Variants in HERC2 observed in about 807,000 individuals in gnomAD.
HERC2 encodes HECT and RLD domain containing E3 ubiquitin protein ligase 2.
In HERC2, 102 loss-of-function variants were observed where a neutral mutation model predicts 537.7. That is an observed-to-expected ratio of 0.19 (90% CI 0.16 to 0.22). The LOEUF (loss-of-function observed/expected upper bound fraction) is 0.22, where lower values mean the gene tolerates loss of function less well. Ranked by LOEUF, HERC2 falls within the 10% of genes least tolerant of loss-of-function variation. HERC2 has a pLI of 1.00. For synonymous variants in HERC2, 2,224 were observed against 2,466.2 expected, an observed-to-expected ratio of 0.90 and a Z score of 2.91; for missense variants, 4,236 against 6,198.2, an observed-to-expected ratio of 0.68 and a Z score of 10.63.
chr15:28,252,730 G>A (rs2075123778), intron 20 of HERC2, among the ~76,000 whole-genome samples: 1 of 152,176 alleles, frequency 6.6e-6, no homozygotes, highest in South Asian at 2.1e-4. Context: ...CAGAATGTAT[G>A]AAATATGCAT....
chr15:28,290,169 G>A (rs545620609), intron 4 of HERC2, among the ~76,000 whole-genome samples: 1 of 152,302 alleles, frequency 6.6e-6, no homozygotes, highest in South Asian at 2.1e-4. Flanking sequence ...AATGCAGTAA[G>A]CCAACCTTGT....
intron 68 of HERC2, among the ~76,000 whole-genome samples, chr15:28,163,973 C>T (rs907946321): frequency 5.9e-5 from 9 of 152,156 alleles, no homozygotes; most frequent in Non-Finnish European, 1.0e-4. Flanking sequence ...CCAGGATGGC[C>T]GCCCCCACCC....
intron 69 of HERC2, among the ~76,000 whole-genome samples, chr15:28,159,270 T>G: frequency 6.6e-6 from 1 of 152,200 alleles, no homozygotes; most frequent in Non-Finnish European, 1.5e-5. Flanking sequence ...CTTCCTGAAT[T>G]TTAATGTTGG....
At position 28,168,459 on chromosome 15, in the gene HERC2, G is replaced by A; in HGVS notation, c.10361C>T (p.Ala3454Val). Residue 3454 changes from alanine (A) to valine (V), a missense_variant, in exon 67 of 93, where the codon GCT (alanine) becomes GTT (valine). Around this residue, in one of 27 missense-constraint regions of HERC2, gnomAD observed 356 missense variants for 450.9 expected, o/e 0.79. Transcript: ENST00000261609. ...SPMNGEECML[A>V]VDIEDRLSPN... ...ACTCAGTCTGTCTTCGATATCAACAGCCAGCATGCATTCTTCTCCATTCAT... is the reference window on the plus strand; with the variant it reads ...ACTCAGTCTGTCTTCGATATCAACAACCAGCATGCATTCTTCTCCATTCAT... 1 of 1,614,150 alleles carries A rather than the reference G, an allele frequency of 6.2e-7. No individual in the cohort carries two copies. Among genetic ancestry groups the A allele is most frequent in the Non-Finnish European group, 8.5e-7 (1 of 1,180,008 alleles).
chr15:28,195,878 T>C (rs529847113), intron 52 of HERC2, among the ~76,000 whole-genome samples: 1 of 152,172 alleles, frequency 6.6e-6, no homozygotes, highest in Non-Finnish European at 1.5e-5. Context: ...CAATAAAAGG[T>C]ATATAAATTA....
chr15:28,227,478 A>C (rs1901324917), intron 35 of HERC2, among the ~76,000 whole-genome samples: 1 of 151,814 alleles, frequency 6.6e-6, no homozygotes, highest in African/African-American at 2.4e-5. Context: ...GAAAAAAAAA[A>C]AAAACACAAA....
At chr15:28,186,278 A>G (rs1165379685) in intron 56 of HERC2, among the ~76,000 whole-genome samples, 3 of 152,226 alleles carry the variant, frequency 2.0e-5, no homozygotes, top group Non-Finnish European at 4.4e-5. Context: ...TTAGTAACAG[A>G]AAAAAAGGAA....
At chr15:28,257,300 T>A (rs756343890) in intron 16 of HERC2, 39 bp from the exon 17 acceptor site, 2 of 1,571,650 alleles carry the variant, frequency 1.3e-6, no homozygotes, top group African/African-American at 2.7e-5. Context: ...AATCTCCAAA[T>A]GCAGCTGCTG....
At chr15:28,153,334 C>A (rs1018872558) in intron 69 of HERC2, among the ~76,000 whole-genome samples, 1 of 151,914 alleles carries the variant, frequency 6.6e-6, no homozygotes, top group African/African-American at 2.4e-5. Context: ...GCCTGGGTGA[C>A]CCGAGCGAGA....
chr15:28,193,889 A>G (rs1897084558), intron 52 of HERC2, among the ~76,000 whole-genome samples: 1 of 152,206 alleles, frequency 6.6e-6, no homozygotes. Context: ...TGTAACCCAC[A>G]AAGACACATT....
intron 81 of HERC2, among the ~76,000 whole-genome samples, chr15:28,131,882 A>G (rs973639648): frequency 6.6e-6 from 1 of 152,228 alleles, no homozygotes. Context: ...CACACAGCAC[A>G]TAGAACACCT....
chr15:28,150,738 C>G (rs1892364086), intron 70 of HERC2, among the ~76,000 whole-genome samples: 1 of 151,880 alleles, frequency 6.6e-6, no homozygotes, highest in South Asian at 2.1e-4. Context: ...CCGAGAACAT[C>G]ACCGAGAATG....
At chr15:28,159,797 G>A (rs1387767925) in intron 69 of HERC2, among the ~76,000 whole-genome samples, 1 of 152,194 alleles carries the variant, frequency 6.6e-6, no homozygotes, top group Non-Finnish European at 1.5e-5. Flanking sequence ...CTTTGGAGGA[G>A]GAGAGATGCT....
intron 85 of HERC2, among the ~76,000 whole-genome samples, chr15:28,123,431 G>A (rs1400179726): frequency 6.6e-6 from 1 of 152,194 alleles, no homozygotes; most frequent in African/African-American, 2.4e-5. Context: ...TTGTCAAGCT[G>A]CTTGCCAGAA....
intron 5 of HERC2, among the ~76,000 whole-genome samples, chr15:28,278,676 A>T (rs2075942969): frequency 6.6e-6 from 1 of 152,210 alleles, no homozygotes; most frequent in Non-Finnish European, 1.5e-5. Flanking sequence ...ACAAGCTACA[A>T]GTACCGCTCC....
chr15:28,160,696 C>A (rs1455574075), intron 69 of HERC2, among the ~76,000 whole-genome samples: 1 of 152,238 alleles, frequency 6.6e-6, no homozygotes, highest in East Asian at 1.9e-4. Flanking sequence ...GAGGCGATGC[C>A]TCGCCCTGCT....
In HERC2 at chr15:28,182,404, G is replaced by T. The variant is rs768674585; in HGVS notation, c.8934C>A (p.Ser2978=). The change falls in exon 57 of 93, where the codon TCC becomes TCA. Residue 2978 remains serine (S), a synonymous_variant. Coordinates refer to ENST00000261609, the MANE Select transcript of HERC2 (RefSeq NM_004667.6). ...GGTCCCAGGGAGCAGGCCGTACCTTGGAGCCTTTCAGCCCGCCCAGCTGGT... is the reference window on the plus strand; with the variant it reads ...GGTCCCAGGGAGCAGGCCGTACCTTTGAGCCTTTCAGCCCGCCCAGCTGGT... ...DKDQLGGLKG[S]KIKVPSFSET... is the part of the protein sequence containing the mutation. 1.5e-5 allele frequency: 24 copies of T among 1,612,022 alleles called. No homozygotes were observed. The Admixed American group carries it at 3.8e-4, about 26-fold the overall frequency.
chr15:28,132,900 C>CGAA, intron 79 of HERC2, 70 bp from the exon 80 acceptor site: 1 of 1,238,032 alleles, frequency 8.1e-7, no homozygotes. Context: ...GTATTAAATA[C>CGAA]CTCTCAATCT....
intron 35 of HERC2, among the ~76,000 whole-genome samples, chr15:28,222,552 A>G (rs1900635866): frequency 6.6e-6 from 1 of 152,208 alleles, no homozygotes. Context: ...AAAAACAAAG[A>G]TAACTACCTA....
Sources: allele counts gnomAD v4.1 joint callset (sites outside exome capture counted in the v4.1 genomes callset), GRCh38; gene constraint gnomAD v4.1.1; regional missense constraint gnomAD v4.1.1; transcripts MANE v1.5; gene names NCBI Gene and HGNC (gene_info 2026-07-23, HGNC 2026-07-21).